SNX29: variants seen among roughly 807,000 people sequenced by gnomAD.
SNX29 encodes sorting nexin 29.
In SNX29, 78 loss-of-function variants were observed where a neutral mutation model predicts 102.1. The ratio of observed to expected loss-of-function variants is 0.76; its 90% confidence interval spans 0.64 to 0.92. The LOEUF is 0.92. Ranked by LOEUF, SNX29 falls within the 40% of genes least tolerant of loss-of-function variation. The pLI is 0.00. For synonymous variants in SNX29, 580 were observed against 414.5 expected (o/e 1.40, Z -4.85); for missense variants, 1,280 against 1,061.7 (o/e 1.21, Z -2.86).
chr16:12,228,538 A>C (rs777352375), intron 14 of SNX29, among the ~76,000 whole-genome samples: 3 of 152,234 alleles, frequency 2.0e-5, no homozygotes, highest in Admixed American at 6.5e-5. Context: ...AAATATGCTC[A>C]AGATATTTTC....
chr16:12,544,042 T>G (rs940655930), intron 20 of SNX29, among the ~76,000 whole-genome samples: 1 of 152,198 alleles, frequency 6.6e-6, no homozygotes, highest in East Asian at 1.9e-4. Context: ...CTCATCACAT[T>G]GCAAAGCCAC....
At position 12,356,279 on chromosome 16, in the gene SNX29, G is replaced by C. The variant is rs200955496; in HGVS notation, c.1899G>C (p.Pro633=). 1 of 1,595,640 alleles carries C rather than the reference G, an allele frequency of 6.3e-7. No individual in the cohort carries two copies. The highest frequency in any genetic ancestry group is 8.5e-7 in the Non-Finnish European group (1 of 1,171,596). ...AGGAGCTCATCGATCTCCGGGGACC[G>C]GTGAGTGTTTCCCCAACCCTGTGTG... The part of the protein sequence containing the change: ...MRQELIDLRG[P]VPGDLSQTSE... Residue 633 remains proline, a splice_region_variant and synonymous_variant, in exon 16 of 21, where the codon CCG becomes CCC. Transcript: ENST00000566228.
intron 13 of SNX29, among the ~76,000 whole-genome samples, chr16:12,176,786 A>C (rs1384343896): frequency 6.6e-6 from 1 of 152,180 alleles, no homozygotes; most frequent in Non-Finnish European, 1.5e-5. Flanking sequence ...GAGATTGGCT[A>C]CATCTGAGTG....
chr16:12,558,114 G>C (rs1254850126), intron 20 of SNX29, among the ~76,000 whole-genome samples: 1 of 152,318 alleles, frequency 6.6e-6, no homozygotes, highest in Admixed American at 6.5e-5. Context: ...CTGAGAATTA[G>C]AAGACCAGCA....
rs1406151126 is a variant in SNX29, at chr16:12,541,098, G to A, written c.2318+16257G>A. Among the ~76,000 whole-genome samples, 3 of 152,290 alleles carry A rather than the reference G, an allele frequency of 2.0e-5. No homozygotes were observed. The East Asian group carries it at 5.8e-4, about 29-fold the overall frequency. ...CTAGCTGCCTCATGCATCCACTCCA[G>A]GTTTGAAAGCTGACTTGGAGGGGAG... On this transcript the variant is annotated intron_variant, in intron 20 of 20. Transcript: ENST00000566228.
At chr16:12,022,319 G>A (rs1340141669) in intron 3 of SNX29, among the ~76,000 whole-genome samples, 2 of 151,840 alleles carry the variant, frequency 1.3e-5, no homozygotes. Flanking sequence ...TCCAGCCTCA[G>A]CCTCTGGAGT....
chr16:12,554,635 CCCAGGTTTCA>C, intron 20 of SNX29, among the ~76,000 whole-genome samples: 1 of 152,308 alleles, frequency 6.6e-6, no homozygotes, highest in East Asian at 1.9e-4. Flanking sequence ...CCTCAGTTTC[CCCAGGTTTCA>C]CCAGTTTGTG....
At position 12,126,477 on chromosome 16, in the gene SNX29, C is replaced by CGATCAG. The variant is rs571067349; in HGVS notation, c.1403-156_1403-155insGATCAG. 8.5e-5 allele frequency among the ~76,000 whole-genome samples: 13 copies of CGATCAG among 152,314 alleles called. No individual in the cohort carries two copies. In the South Asian group the frequency reaches 2.7e-3, roughly 32 times the overall value. ...CTCTAAAATCCAGGACCCTGATCAGCCGAGTCTCTTAGACTGTTATAGGAG... is the reference window on the plus strand; with the variant it reads ...CTCTAAAATCCAGGACCCTGATCAGCGATCAGCGAGTCTCTTAGACTGTTATAGGAG... On this transcript the variant is annotated intron_variant, in intron 11 of 20. Coordinates refer to ENST00000566228, the MANE Select transcript of SNX29 (RefSeq NM_032167.5).
At chr16:12,180,223 A>G (rs1196060662) in intron 13 of SNX29, among the ~76,000 whole-genome samples, 1 of 151,510 alleles carries the variant, frequency 6.6e-6, no homozygotes, top group East Asian at 1.9e-4. Flanking sequence ...TTCATCTTCT[A>G]GGTGTTCCTT....
chr16:12,525,704 C>G (rs996046190), intron 20 of SNX29, among the ~76,000 whole-genome samples: 3 of 127,468 alleles, frequency 2.4e-5, no homozygotes, highest in African/African-American at 5.8e-5. Flanking sequence ...CCCCACCCCC[C>G]CCCCCAAAAA....
At chr16:12,526,780 C>T (rs545882846) in intron 20 of SNX29, 18 of 425,304 alleles carry the variant, frequency 4.2e-5, no homozygotes, top group South Asian at 3.4e-4. Flanking sequence ...TCAGTGTCCC[C>T]CACCCCCTGC....
chr16:12,552,117 G>A (rs550496927), intron 20 of SNX29, among the ~76,000 whole-genome samples: 2 of 152,336 alleles, frequency 1.3e-5, no homozygotes, highest in South Asian at 2.1e-4. Flanking sequence ...AACCATGGCT[G>A]ATACGGAAAT....
rs111232146 is a variant in SNX29 at position 12,462,798 on chromosome 16, A to T, written c.2038-14921A>T. Among the ~76,000 whole-genome samples the T allele has an allele frequency of 2.2e-3, 333 of 152,356 alleles. 1 individual carries two copies. Among genetic ancestry groups the T allele is most frequent in the Middle Eastern group, 6.8e-3 (2 of 294 alleles). ...CCTTCACAGGGAAATAAAAAGCTCT[A>T]TGCAGAATATCAGTGCCGCAAATGG... is the stretch of plus-strand genomic sequence containing the variant. On this transcript the variant is annotated intron_variant, in intron 18 of 20. Transcript: ENST00000566228.
chr16:12,071,949 C>G lies in SNX29; in HGVS notation c.1319+2817C>G, dbSNP rs2051319727. On this transcript the variant is annotated intron_variant, in intron 10 of 20. Coordinates refer to ENST00000566228, the MANE Select transcript of SNX29 (RefSeq NM_032167.5). ...TTTGAAGCAATTGTGAATGGGAGTT[C>G]ACTCATGATTTGGCTGTTTGTCTGT... 4.6e-5 allele frequency among the ~76,000 whole-genome samples: 7 copies of G among 152,262 alleles called. No homozygotes were observed. The South Asian group carries it at 1.5e-3, about 32-fold the overall frequency.
chr16:12,029,557 C>T lies in SNX29; in HGVS notation c.247+2113C>T, dbSNP rs529730588. Reference sequence around the variant, plus strand: ...GAGAAAGAACCACTGCCGTTATTGGCGTTTGATGCATTTGATGGCATGACC... The same window carrying T: ...GAGAAAGAACCACTGCCGTTATTGGTGTTTGATGCATTTGATGGCATGACC... On this transcript the variant is annotated intron_variant, in intron 4 of 20. Transcript: ENST00000566228. 4.4e-4 allele frequency: 199 copies of T among 452,280 alleles called. 3 individuals carry two copies. The highest frequency in any genetic ancestry group is 3.0e-3 in the South Asian group (194 of 64,374). The allele number at this position is 452,280 out of a possible 1,614,324, so 28.0% of individuals were successfully genotyped here.
rs190602358 is a variant in SNX29 at position 12,563,339 on chromosome 16, G to A, written c.2319-5167G>A. Among the ~76,000 whole-genome samples, 770 of 152,284 alleles carry A rather than the reference G, an allele frequency of 5.1e-3. 17 individuals are homozygous for A. Among genetic ancestry groups the A allele is most frequent in the Non-Finnish European group, 2.0e-3 (139 of 68,016 alleles). ...TGGAGAGAGTCACCGTCGAGGAGTG[G>A]CCATTATCCTGAGCCTGTCTTTTAT... On this transcript the variant is annotated intron_variant, in intron 20 of 20. Coordinates refer to ENST00000566228, the MANE Select transcript of SNX29 (RefSeq NM_032167.5).
intron 20 of SNX29, among the ~76,000 whole-genome samples, chr16:12,531,771 G>A (rs528638922): frequency 1.1e-4 from 16 of 152,320 alleles, no homozygotes; most frequent in African/African-American, 3.9e-4. Flanking sequence ...ACTGGTCTAC[G>A]TGCATCCTGA....
intron 15 of SNX29, among the ~76,000 whole-genome samples, chr16:12,339,240 G>A (rs762800274): frequency 8.6e-5 from 13 of 151,908 alleles, no homozygotes; most frequent in African/African-American, 2.7e-4. Context: ...GCGTGGTGGC[G>A]CATGCCTGTA....
chr16:12,289,209 A>G (rs1380448715), intron 15 of SNX29, among the ~76,000 whole-genome samples: 2 of 152,064 alleles, frequency 1.3e-5, no homozygotes, highest in Non-Finnish European at 2.9e-5. Context: ...TGCTCACTGG[A>G]TGTTCCCATC....
Sources: gnomAD v4.1 joint callset for allele counts (sites outside exome capture counted in the v4.1 genomes callset) on GRCh38, gnomAD v4.1.1 for gene constraint, MANE v1.5 for transcripts, NCBI Gene and HGNC (gene_info 2026-07-23, HGNC 2026-07-21) for gene names.